Variants in NCKAP5 observed in about 807,000 individuals in gnomAD.
NCKAP5 encodes nck-associated protein 5.
Under a neutral mutation model 167.0 loss-of-function variants are expected in NCKAP5, and 92 were observed. That is an observed-to-expected ratio of 0.55 (90% CI 0.47 to 0.66). The LOEUF (loss-of-function observed/expected upper bound fraction) is 0.66, where lower values mean the gene tolerates loss of function less well. Among genes scored for constraint, NCKAP5 ranks in the 30% least tolerant of loss-of-function variants. The pLI is 0.00. For synonymous variants in NCKAP5, 891 were observed against 877.4 expected, an observed-to-expected ratio of 1.02 and a Z score of -0.27; for missense variants, 2,378 against 2,315.0, an observed-to-expected ratio of 1.03 and a Z score of -0.56.
chr2:132,903,696 A>AC (rs879632224), intron 8 of NCKAP5, among the ~76,000 whole-genome samples: 1,572 of 152,296 alleles, frequency 0.01, 11 homozygotes, highest in Non-Finnish European at 0.013. Flanking sequence ...AATAATGTCT[A>AC]TCTTTTGGAG....
At chr2:132,924,944 A>G (rs1360291914) in intron 8 of NCKAP5, among the ~76,000 whole-genome samples, 4 of 152,134 alleles carry the variant, frequency 2.6e-5, no homozygotes, top group Non-Finnish European at 5.9e-5. Context: ...ATAGAGATTT[A>G]GTGAAAATAA....
the NCKAP5 span, among the ~76,000 whole-genome samples, chr2:133,674,762 T>C: frequency 6.6e-6 from 1 of 152,186 alleles, no homozygotes; most frequent in Non-Finnish European, 1.5e-5. Flanking sequence ...TCTAATGCTA[T>C]TGAGGAGAGT....
intron 6 of NCKAP5, among the ~76,000 whole-genome samples, chr2:133,112,336 C>T (rs1574065585): frequency 6.6e-6 from 1 of 152,074 alleles, no homozygotes; most frequent in East Asian, 1.9e-4. Flanking sequence ...TAGCCGGGTA[C>T]GGCAGCATGT....
chr2:132,747,111 T>C (rs1459408404), intron 16 of NCKAP5, among the ~76,000 whole-genome samples: 1 of 151,902 alleles, frequency 6.6e-6, no homozygotes, highest in Non-Finnish European at 1.5e-5. Context: ...AGGATGAATT[T>C]TGTTATATAT....
At chr2:133,594,561 A>G in the NCKAP5 span, among the ~76,000 whole-genome samples, 1 of 152,186 alleles carries the variant, frequency 6.6e-6, no homozygotes, top group African/African-American at 2.4e-5. Flanking sequence ...AACTGAGAGA[A>G]CCAGGAGGTC....
At chr2:132,722,449 C>T (rs567626769) in intron 19 of NCKAP5, among the ~76,000 whole-genome samples, 1 of 152,320 alleles carries the variant, frequency 6.6e-6, no homozygotes, top group African/African-American at 2.4e-5. Context: ...CCATGCTCCC[C>T]AGCCCTCCTC....
intron 6 of NCKAP5, among the ~76,000 whole-genome samples, chr2:133,126,004 G>A (rs535203725): frequency 9.9e-5 from 15 of 152,118 alleles, no homozygotes; most frequent in Admixed American, 2.6e-4. Context: ...TCACCTCAGC[G>A]ATCCCATTAC....
intron 4 of NCKAP5, among the ~76,000 whole-genome samples, chr2:133,258,141 C>T (rs1443252103): frequency 6.6e-6 from 1 of 152,144 alleles, no homozygotes; most frequent in Non-Finnish European, 1.5e-5. Context: ...CAAAAACAGA[C>T]AAAAACCAAA....
intron 2 of NCKAP5, among the ~76,000 whole-genome samples, chr2:133,544,030 G>C (rs1686447174): frequency 6.6e-6 from 1 of 152,314 alleles, no homozygotes; most frequent in East Asian, 1.9e-4. Flanking sequence ...GGATTTCTTT[G>C]CAAATAACTT....
the NCKAP5 span, among the ~76,000 whole-genome samples, chr2:133,657,903 C>A: frequency 1.3e-5 from 2 of 152,090 alleles, no homozygotes; most frequent in Non-Finnish European, 2.9e-5. Context: ...CAGTTCTGAA[C>A]CCTGATGGTA....
intron 3 of NCKAP5, among the ~76,000 whole-genome samples, chr2:133,357,497 A>G (rs114998057): frequency 0.022 from 3,356 of 152,318 alleles, 120 homozygotes; most frequent in African/African-American, 0.076. Context: ...AACCAATTTA[A>G]TTAACATTTT....
At chr2:133,565,157 T>G (rs114392907) in intron 1 of NCKAP5, among the ~76,000 whole-genome samples, 3,537 of 152,186 alleles carry the variant, frequency 0.023, 80 homozygotes, top group Non-Finnish European at 0.034. Flanking sequence ...CTGAAGAACA[T>G]ACAAGCCCAG....
At position 133,523,838 on chromosome 2, in the gene NCKAP5, AAC is replaced by A. The variant is rs553697416; in HGVS notation, c.-61-6253_-61-6252del. ...TAGAGCACATCAAGGACAAATAACA[AAC>A]ACAGTAAGTTTCCTGTCGTTGACAA... On this transcript the variant is annotated intron_variant, in intron 2 of 19. Transcript: ENST00000409261. 1.7e-3 allele frequency among the ~76,000 whole-genome samples: 260 copies of A among 152,316 alleles called. 1 individual carries two copies. The highest frequency in any genetic ancestry group is 5.6e-3 in the African/African-American group (233 of 41,578).
At chr2:133,223,645 A>G (rs895208585) in intron 4 of NCKAP5, among the ~76,000 whole-genome samples, 1 of 152,200 alleles carries the variant, frequency 6.6e-6, no homozygotes, top group Non-Finnish European at 1.5e-5. Flanking sequence ...AATACGTAAC[A>G]TCACTGTTGC....
At chr2:133,518,380 A>T (rs1467407631) in intron 2 of NCKAP5, among the ~76,000 whole-genome samples, 1 of 73,366 alleles carries the variant, frequency 1.4e-5, no homozygotes, top group Admixed American at 2.3e-4. Context: ...TTTGGGATGG[A>T]ATCTCGCTCT....
intron 6 of NCKAP5, among the ~76,000 whole-genome samples, chr2:133,074,144 T>C (rs887847210): frequency 1.3e-5 from 2 of 152,156 alleles, no homozygotes; most frequent in Admixed American, 1.3e-4. Context: ...ATTGCAATTC[T>C]TTCCTCCCAA....
chr2:133,234,119 T>C (rs1193129313), intron 4 of NCKAP5, among the ~76,000 whole-genome samples: 1 of 152,114 alleles, frequency 6.6e-6, no homozygotes, highest in East Asian at 1.9e-4. Context: ...GGAGTTCATT[T>C]TGTGACAGGG....
intron 2 of NCKAP5, among the ~76,000 whole-genome samples, chr2:133,520,050 G>A (rs1409232941): frequency 6.6e-6 from 1 of 152,142 alleles, no homozygotes; most frequent in Non-Finnish European, 1.5e-5. Flanking sequence ...AATTAGCTGG[G>A]CATGGTGGTG....
intron 7 of NCKAP5, among the ~76,000 whole-genome samples, chr2:132,977,940 C>T (rs2149258493): frequency 6.6e-6 from 1 of 152,178 alleles, no homozygotes; most frequent in East Asian, 1.9e-4. Context: ...TGAGGTGCTT[C>T]TTTGTCACAT....
Sources: allele counts gnomAD v4.1 joint callset (sites outside exome capture counted in the v4.1 genomes callset), GRCh38; gene constraint gnomAD v4.1.1; transcripts MANE v1.5; gene names NCBI Gene and HGNC (gene_info 2026-07-23, HGNC 2026-07-21).